The following PCDHA2 variants were observed in gnomAD, a reference collection of about 807,000 sequenced individuals.
The protein encoded by PCDHA2 is protocadherin alpha 2, also known as protocadherin alpha-2.
In PCDHA2, 58 loss-of-function variants were observed where a neutral mutation model predicts 66.0. The ratio of observed to expected loss-of-function variants is 0.88; its 90% CI spans 0.71 to 1.09. The LOEUF (loss-of-function observed/expected upper bound fraction) is 1.09, where lower values mean the gene tolerates loss of function less well. Among genes scored for constraint, PCDHA2 ranks in the 50% least tolerant of loss-of-function variants. The pLI, the probability that PCDHA2 is intolerant of heterozygous loss-of-function variation, is 0.00. For missense variants in PCDHA2, 1,267 were observed against 1,242.3 expected, an observed-to-expected ratio of 1.02 and a Z score of -0.30; for synonymous variants, 634 against 554.0, an observed-to-expected ratio of 1.14 and a Z score of -2.03.
In PCDHA2 at chr5:140,797,098, G is replaced by T; in HGVS notation, c.2134G>T (p.Val712Leu). ...CATCTGCGCGGTATCCAGCCTGTTGGTGCTCACGGTGCTGCTGTACACTGC... is the reference window on the plus strand; with the variant it reads ...CATCTGCGCGGTATCCAGCCTGTTGTTGCTCACGGTGCTGCTGTACACTGC... Reference protein sequence around the residue: ...IAICAVSSLLVLTVLLYTALR... With the variant: ...IAICAVSSLLLLTVLLYTALR... The change falls in exon 1 of 4, where the codon GTG (valine) becomes TTG (leucine). Residue 712 changes from valine (V) to leucine (L), a missense_variant. By Grantham distance (32) the Val-to-Leu change is conservative (BLOSUM62 1). Transcript: ENST00000526136. The T allele has an allele frequency of 1.2e-6, 2 of 1,614,008 alleles. No homozygotes were observed. Among genetic ancestry groups the T allele is most frequent in the Non-Finnish European group, 1.7e-6 (2 of 1,179,968 alleles).
At chr5:140,827,761 A>G (rs1241454349) in intron 1 of PCDHA2, among the ~76,000 whole-genome samples, 2 of 152,264 alleles carry the variant, frequency 1.3e-5, no homozygotes, top group South Asian at 2.1e-4. Flanking sequence ...ACTTTAAATT[A>G]ATAAAAGAAG....
At chr5:140,820,722 A>G (rs2150107758) in intron 1 of PCDHA2, among the ~76,000 whole-genome samples, 15 of 152,090 alleles carry the variant, frequency 9.9e-5, no homozygotes, top group Non-Finnish European at 1.9e-4. Flanking sequence ...ATTTACTGGA[A>G]CCTAAACATT....
chr5:140,858,135 T>G lies in PCDHA2; in HGVS notation c.2388+60783T>G, dbSNP rs1215623176. 3 of 1,597,334 alleles carry G rather than the reference T, an allele frequency of 1.9e-6. No homozygotes were observed. The African/African-American group carries it at 4.0e-5, about 21-fold the overall frequency. ...GAGGTGGCCCTGGTGGATGTCAACG[T>G]GTACCTGATCATCGCCATCTGCGCG... is the stretch of plus-strand genomic sequence containing the variant. On this transcript the variant is annotated intron_variant, in intron 1 of 3. Transcript: ENST00000526136.
intron 1 of PCDHA2, chr5:140,843,312 C>G: frequency 1.3e-6 from 2 of 1,596,048 alleles, no homozygotes; most frequent in South Asian, 1.1e-5. Context: ...GCCACGGCCA[C>G]GGTTCTGGTG....
Position 140,849,726 on chromosome 5 carries a change from A to G in PCDHA2, c.2388+52374A>G, listed in dbSNP as rs1554143227. 2.5e-6 allele frequency: 4 copies of G among 1,598,410 alleles called. 1 individual carries two copies. Among genetic ancestry groups the G allele is most frequent in the Non-Finnish European group, 3.4e-6 (4 of 1,168,000 alleles). On this transcript the variant is annotated intron_variant, in intron 1 of 3. Transcript: ENST00000526136. ...GAATTACTACTCGTTGGTGCTGGAC[A>G]GAGCTCTGGACCGCGAGAGTGTGTC...
chr5:140,911,381 G>A (rs2075444647), intron 1 of PCDHA2, among the ~76,000 whole-genome samples: 1 of 152,116 alleles, frequency 6.6e-6, no homozygotes, highest in African/African-American at 2.4e-5. Context: ...GGCTGTGCAT[G>A]CACCTTTCAT....
chr5:140,875,771 C>T lies in PCDHA2; in HGVS notation c.2388+78419C>T, dbSNP rs182160950. 7,595 of 1,614,196 alleles carry T rather than the reference C, an allele frequency of 4.7e-3. 28 individuals carry two copies. Among genetic ancestry groups the T allele is most frequent in the Middle Eastern group, 6.4e-3 (39 of 6,062 alleles). ...CGCGAGAAGCTGTGCGGGCGGAGCG[C>T]GGAGTGCAGTATCCACCTGGAGGTG... On this transcript the variant is annotated intron_variant, in intron 1 of 3. Transcript: ENST00000526136.
Position 140,809,588 on chromosome 5 carries a change from C to A in PCDHA2, c.2388+12236C>A, listed in dbSNP as rs531817077. 24 of 1,541,290 alleles carry A rather than the reference C, an allele frequency of 1.6e-5. No individual in the cohort carries two copies. In the South Asian group the frequency reaches 2.3e-4, roughly 15 times the overall value. On this transcript the variant is annotated intron_variant, in intron 1 of 3. Transcript: ENST00000526136. ...CTTTGCAAAGGTTAGTGTATAACAT[C>A]CTTTTGTTTAATTTTCGTATTGTTT...
rs546510910 is a variant in PCDHA2, at chr5:140,894,996, C to G, written c.2389-83953C>G. ...GTCTTACTTTGTGACATCCTTTACC[C>G]TTTTTACTTGGACCTTTTTCCTTTG... is the stretch of plus-strand genomic sequence containing the variant. On this transcript the variant is annotated intron_variant, in intron 1 of 3. Transcript: ENST00000526136. Among the ~76,000 whole-genome samples, 5 of 152,204 alleles carry G rather than the reference C, an allele frequency of 3.3e-5. No homozygotes were observed. The East Asian group carries it at 9.6e-4, about 29-fold the overall frequency.
intron 1 of PCDHA2, chr5:140,847,908 G>GA (rs1781243809): frequency 6.7e-6 from 1 of 149,496 alleles, no homozygotes; most frequent in Non-Finnish European, 1.5e-5. Context: ...AGATTTCTGG[G>GA]CTCCTATATT....
At chr5:140,924,902 A>AT (rs1563068435) in intron 1 of PCDHA2, among the ~76,000 whole-genome samples, 2 of 39,026 alleles carry the variant, frequency 5.1e-5, no homozygotes, top group Non-Finnish European at 1.3e-4. Context: ...CTCAAAAAAA[A>AT]AAATAAAATA....
At chr5:140,894,947 A>G (rs1257936552) in intron 1 of PCDHA2, among the ~76,000 whole-genome samples, 1 of 152,178 alleles carries the variant, frequency 6.6e-6, no homozygotes, top group Non-Finnish European at 1.5e-5. Flanking sequence ...TTGTCATGAA[A>G]TGATAAAAAT....
chr5:140,871,113 G>C, intron 1 of PCDHA2: 1 of 1,613,306 alleles, frequency 6.2e-7, no homozygotes. Flanking sequence ...CGTTGGTGGA[G>C]AGCGGACAGG....
intron 1 of PCDHA2, chr5:140,868,497 T>C (rs1458506620): frequency 1.3e-5 from 2 of 152,376 alleles, no homozygotes; most frequent in Admixed American, 6.5e-5. Flanking sequence ...TTGAGTTCCC[T>C]AGCAGCCAAA....
intron 1 of PCDHA2, chr5:140,834,211 G>A (rs2150214176): frequency 0.54 from 341,638 of 630,816 alleles, 94,315 homozygotes; most frequent in African/African-American, 0.73. Flanking sequence ...AAATTCTTTC[G>A]TAATCAGCAA....
rs1489888830 is a variant in PCDHA2, at chr5:140,987,480, A to G, written c.2536+4917A>G. ...TGTTAAGAGCTCAAGCTTGGGAGTC[A>G]GTGACCCTTTCTGAATTCTACCTCT... is the stretch of plus-strand genomic sequence containing the variant. On this transcript the variant is annotated intron_variant, in intron 3 of 3. Coordinates refer to ENST00000526136, the MANE Select transcript of PCDHA2 (RefSeq NM_018905.3). Among the ~76,000 whole-genome samples, 6 of 152,310 alleles carry G rather than the reference A, an allele frequency of 3.9e-5. No homozygotes were observed. The South Asian group carries it at 1.2e-3, about 32-fold the overall frequency.
Position 140,889,022 on chromosome 5 carries a change from G to A in PCDHA2, c.2389-89927G>A, listed in dbSNP as rs183317307. Among the ~76,000 whole-genome samples the A allele has an allele frequency of 5.5e-3, 837 of 151,922 alleles. 11 individuals are homozygous for A. The highest frequency in any genetic ancestry group is 0.019 in the African/African-American group (781 of 41,426). ...TGGCAAACCAACCTCTACTTCCTTG[G>A]ATAACCGTAATTTGATTATAATTTA... On this transcript the variant is annotated intron_variant, in intron 1 of 3. Coordinates refer to ENST00000526136, the MANE Select transcript of PCDHA2 (RefSeq NM_018905.3).
At chr5:141,004,839 C>G (rs1168305271) in intron 3 of PCDHA2, among the ~76,000 whole-genome samples, 1 of 152,168 alleles carries the variant, frequency 6.6e-6, no homozygotes, top group Non-Finnish European at 1.5e-5. Context: ...AGATCAAAGT[C>G]ATTAGTCTCA....
At chr5:140,856,629 T>C (rs782588371) in intron 1 of PCDHA2, 2 of 1,598,078 alleles carry the variant, frequency 1.3e-6, no homozygotes, top group African/African-American at 2.7e-5. Flanking sequence ...CCAGTGCTTG[T>C]TCTGCGGAAG....
Sources: gnomAD v4.1 joint callset for allele counts (sites outside exome capture counted in the v4.1 genomes callset) on GRCh38, gnomAD v4.1.1 for gene constraint, MANE v1.5 for transcripts, NCBI Gene and HGNC (gene_info 2026-07-23, HGNC 2026-07-21) for gene names.